Variants in ARAP2 observed in about 807,000 individuals in gnomAD.
ARAP2 encodes the protein arf-GAP with Rho-GAP domain, ANK repeat and PH domain-containing protein 2.
A neutral mutation model predicts 194.5 loss-of-function variants in ARAP2; 148 were observed. That is an observed-to-expected ratio of 0.76 (90% confidence interval 0.67 to 0.87). ARAP2 has a LOEUF of 0.87. Among genes scored for constraint, ARAP2 ranks in the 40% least tolerant of loss-of-function variants. The pLI is 0.00. For missense variants in ARAP2, 2,128 were observed against 1,989.7 expected (o/e 1.07, Z -1.32); for synonymous variants, 695 against 683.5 (o/e 1.02, Z -0.26).
chr4:36,234,676 A>G (rs1406525811), intron 1 of ARAP2, among the ~76,000 whole-genome samples: 1 of 152,192 alleles, frequency 6.6e-6, no homozygotes, highest in Non-Finnish European at 1.5e-5. Context: ...TGGGAGTAAT[A>G]TTAGTACCTA....
At chr4:36,077,948 C>G (rs1728627205) in intron 31 of ARAP2, among the ~76,000 whole-genome samples, 1 of 152,108 alleles carries the variant, frequency 6.6e-6, no homozygotes, top group African/African-American at 2.4e-5. Flanking sequence ...CTCAGGTCAC[C>G]TGTCACCTAC....
chr4:36,161,277 T>A (rs556396707), intron 12 of ARAP2, among the ~76,000 whole-genome samples, 188 bp downstream of exon 12: 2 of 152,148 alleles, frequency 1.3e-5, no homozygotes, highest in East Asian at 3.9e-4. Flanking sequence ...AATAACTATC[T>A]CATTTAGGAA....
intron 8 of ARAP2, among the ~76,000 whole-genome samples, chr4:36,181,091 G>A (rs1739132520): frequency 6.6e-6 from 1 of 152,180 alleles, no homozygotes; most frequent in African/African-American, 2.4e-5. Flanking sequence ...GCTAGCTTTT[G>A]CCTGTTCTTC....
At chr4:36,146,614 T>C (rs1729676861) in intron 19 of ARAP2, among the ~76,000 whole-genome samples, 1 of 152,098 alleles carries the variant, frequency 6.6e-6, no homozygotes. Flanking sequence ...GTTTACTTTT[T>C]CGTTTTATGA....
At chr4:36,085,594 A>T (rs1188912826) in intron 28 of ARAP2, among the ~76,000 whole-genome samples, 3 of 152,076 alleles carry the variant, frequency 2.0e-5, no homozygotes, top group African/African-American at 7.2e-5. Flanking sequence ...TTTTAGTTTT[A>T]CTGTATATCT....
At chr4:36,231,163 C>A (rs1751374382) in intron 1 of ARAP2, among the ~76,000 whole-genome samples, 1 of 151,856 alleles carries the variant, frequency 6.6e-6, no homozygotes, top group African/African-American at 2.4e-5. Flanking sequence ...ATGGTGAAAC[C>A]CCATCTCTAT....
intron 5 of ARAP2, among the ~76,000 whole-genome samples, chr4:36,025,335 C>T (rs1203224431): frequency 6.6e-6 from 1 of 152,086 alleles, no homozygotes; most frequent in Non-Finnish European, 1.5e-5. Flanking sequence ...TAAAGCAACT[C>T]TTAGTGGTAA....
intron 6 of ARAP2, among the ~76,000 whole-genome samples, chr4:36,200,514 C>A (rs1200081657): frequency 5.3e-5 from 8 of 152,160 alleles, no homozygotes; most frequent in African/African-American, 1.9e-4. Flanking sequence ...CTCGGCCTCC[C>A]AAAGTGCTGG....
At chr4:36,065,472 G>C (rs901589224), downstream of ARAP2, 4 of 346,902 alleles carry the variant, frequency 1.2e-5, no homozygotes, top group African/African-American at 8.7e-5. Context: ...CCTTTGATGG[G>C]CTGGCTGCAG....
chr4:36,157,171 C>T (rs1732763429), intron 15 of ARAP2, among the ~76,000 whole-genome samples: 1 of 152,074 alleles, frequency 6.6e-6, no homozygotes, highest in African/African-American at 2.4e-5. Flanking sequence ...GTTTCAATCC[C>T]CATTTGATCT....
rs116488048 is a variant in ARAP2 at position 36,087,917 on chromosome 4, T to C, written c.4425+3964A>G. ...TGTATGTGATTTTGGACAAGTTATG[T>C]AATGTCTTTGAGAGTCTTTCTTCAT... On this transcript the variant is annotated intron_variant, in intron 28 of 32. Transcript: ENST00000303965. Among the ~76,000 whole-genome samples, 328 of 152,210 alleles carry C rather than the reference T, an allele frequency of 2.2e-3. 1 individual carries two copies. Among genetic ancestry groups the C allele is most frequent in the African/African-American group, 7.3e-3 (303 of 41,562 alleles).
At chr4:36,221,818 T>A (rs186286268) in intron 2 of ARAP2, among the ~76,000 whole-genome samples, 2 of 152,258 alleles carry the variant, frequency 1.3e-5, no homozygotes, top group East Asian at 3.9e-4. Flanking sequence ...TTTCTTATAT[T>A]CTAACACTTA....
At chr4:36,061,852 G>C (rs1724496425), downstream of ARAP2, among the ~76,000 whole-genome samples, 1 of 152,096 alleles carries the variant, frequency 6.6e-6, no homozygotes, top group South Asian at 2.1e-4. Flanking sequence ...TTTTAACTTA[G>C]GTGAGATGAT....
At chr4:36,233,653 C>G (rs1751928147) in intron 1 of ARAP2, among the ~76,000 whole-genome samples, 1 of 152,214 alleles carries the variant, frequency 6.6e-6, no homozygotes, top group South Asian at 2.1e-4. Context: ...GTCTCTACTT[C>G]CTTTCCCATA....
intron 19 of ARAP2, among the ~76,000 whole-genome samples, chr4:36,136,587 T>C (rs1726773590): frequency 6.6e-6 from 1 of 151,798 alleles, no homozygotes; most frequent in Admixed American, 6.6e-5. Flanking sequence ...AATATGCTCA[T>C]ATAAAAAAGA....
chr4:36,009,886 G>GT lies in ARAP2; in HGVS notation n.1325+2676_1325+2677insA, dbSNP rs1241210346. ...AGAAGCTCCTTGTTTTTTTTGGCGGGGGGTAGGGGGGTGGAATCATCAGTG... is the reference window on the plus strand; with the variant it reads ...AGAAGCTCCTTGTTTTTTTTGGCGGGTGGGTAGGGGGGTGGAATCATCAGTG... On this transcript the variant is annotated intron_variant and non_coding_transcript_variant, in intron 9 of 12. Transcript: ENST00000503225. Among the ~76,000 whole-genome samples the GT allele has an allele frequency of 7.9e-4, 113 of 142,218 alleles. 4 individuals are homozygous for GT. Among genetic ancestry groups the GT allele is most frequent in the African/African-American group, 2.0e-3 (77 of 38,510 alleles). 93.3% of individuals were successfully genotyped at this position (142,218 alleles called of 152,430 possible). A position where few individuals can be genotyped will look rare whatever the true frequency, so the allele number is the denominator to read the frequency against.
At chr4:36,029,050 C>T (rs182557516) in intron 5 of ARAP2, among the ~76,000 whole-genome samples, 1 of 152,054 alleles carries the variant, frequency 6.6e-6, no homozygotes. Flanking sequence ...TGAGAGGAAG[C>T]TGTATTCTGT....
intron 2 of ARAP2, among the ~76,000 whole-genome samples, chr4:36,055,630 C>A (rs1433794274): frequency 3.9e-5 from 6 of 152,060 alleles, no homozygotes; most frequent in Admixed American, 1.3e-4. Context: ...ATGGCGTGAT[C>A]TTGGCTCACC....
At chr4:36,032,139 G>A (rs1719086628) in intron 5 of ARAP2, among the ~76,000 whole-genome samples, 1 of 152,306 alleles carries the variant, frequency 6.6e-6, no homozygotes. Context: ...TCAGAATAAA[G>A]GAATCAGTGG....
Sources: gnomAD v4.1 joint callset for allele counts (sites outside exome capture counted in the v4.1 genomes callset) on GRCh38, gnomAD v4.1.1 for gene constraint, MANE v1.5 for transcripts, NCBI Gene and HGNC (gene_info 2026-07-23, HGNC 2026-07-21) for gene names.